CR1L: variants seen among roughly 807,000 people sequenced by gnomAD.
CR1L encodes the protein complement component receptor 1-like protein.
Under a neutral mutation model 62.3 loss-of-function variants are expected in CR1L, and 59 were observed. The observed-to-expected ratio is 0.95, with a 90% confidence interval of 0.77 to 1.18. CR1L has a LOEUF of 1.18. Among genes scored for constraint, CR1L ranks in the 50% most tolerant of loss-of-function variants. The pLI is 0.00. For synonymous variants in CR1L, 279 were observed against 248.7 expected (o/e 1.12, Z -1.15); for missense variants, 700 against 702.8 (o/e 1.00, Z 0.04).
chr1:207,684,297 C>G (rs781518869), intron 4 of CR1L, among the ~76,000 whole-genome samples: 17 of 152,174 alleles, frequency 1.1e-4, no homozygotes, highest in Non-Finnish European at 1.9e-4. Context: ...AATTGATACT[C>G]TTCAAGGTTA....
chr1:207,647,352 T>C lies in CR1L; in HGVS notation c.97+2022T>C, dbSNP rs986479161. Among the ~76,000 whole-genome samples, 4 of 152,224 alleles carry C rather than the reference T, an allele frequency of 2.6e-5. No homozygotes were observed. The East Asian group carries it at 7.7e-4, about 29-fold the overall frequency. ...TTCTCCCCATGACCTGCTGCATAAA[T>C]GGGCTGTTTCTTCTGCAAGCTCAGC... On this transcript the variant is annotated intron_variant, in intron 1 of 11. Coordinates refer to ENST00000508064, the MANE Select transcript of CR1L (RefSeq NM_175710.2).
At chr1:207,656,427 T>A (rs1663311620) in intron 1 of CR1L, among the ~76,000 whole-genome samples, 1 of 152,222 alleles carries the variant, frequency 6.6e-6, no homozygotes, top group Non-Finnish European at 1.5e-5. Flanking sequence ...TTTCTTGTGA[T>A]AACTAGAAGA....
intron 1 of CR1L, among the ~76,000 whole-genome samples, chr1:207,661,733 C>T (rs914501436): frequency 4.6e-5 from 7 of 152,292 alleles, no homozygotes; most frequent in South Asian, 4.1e-4. Context: ...GCAGTTTCTT[C>T]CTAGCCTTGA....
At chr1:207,653,873 G>A (rs1209356482) in intron 1 of CR1L, among the ~76,000 whole-genome samples, 1 of 152,170 alleles carries the variant, frequency 6.6e-6, no homozygotes, top group Non-Finnish European at 1.5e-5. Flanking sequence ...TGGAGGCTGG[G>A]GAATTCAAGG....
intron 1 of CR1L, among the ~76,000 whole-genome samples, chr1:207,650,715 G>A (rs560350391): frequency 6.6e-6 from 1 of 152,098 alleles, no homozygotes; most frequent in East Asian, 1.9e-4. Flanking sequence ...GTGGGTATGC[G>A]TGTACATTAG....
intron 10 of CR1L, among the ~76,000 whole-genome samples, chr1:207,712,685 G>A (rs1017153605): frequency 2.6e-5 from 4 of 152,176 alleles, no homozygotes; most frequent in African/African-American, 9.7e-5. Flanking sequence ...CTGGACCCCT[G>A]AAGCCCCCAG....
intron 1 of CR1L, among the ~76,000 whole-genome samples, chr1:207,673,971 A>T (rs56015793): frequency 1.2e-4 from 18 of 152,358 alleles, no homozygotes; most frequent in African/African-American, 3.6e-4. Context: ...TATACAATTG[A>T]ATATTACCCA....
At chr1:207,721,230 T>A (rs977390090) in intron 11 of CR1L, among the ~76,000 whole-genome samples, 2 of 152,014 alleles carry the variant, frequency 1.3e-5, no homozygotes, top group Non-Finnish European at 2.9e-5. Context: ...TTAGGATACA[T>A]GTGCACATTG....
intron 11 of CR1L, among the ~76,000 whole-genome samples, chr1:207,718,808 C>T (rs192575066): frequency 6.6e-6 from 1 of 151,628 alleles, no homozygotes; most frequent in Non-Finnish European, 1.5e-5. Context: ...CACATGCACA[C>T]GTATGTTTAT....
At chr1:207,713,870 AGGCCTGCATCTCCAAGGCTGACTT>A (rs1270616344) in intron 10 of CR1L, among the ~76,000 whole-genome samples, 40 of 152,268 alleles carry the variant, frequency 2.6e-4, no homozygotes, top group South Asian at 8.3e-4. Context: ...CGCCCCGCTC[AGGCCTGCATCTCCAAGGCTGACTT>A]GGCCTGCATC....
At chr1:207,679,019 T>C (rs1450189768) in intron 3 of CR1L, among the ~76,000 whole-genome samples, 4 of 147,132 alleles carry the variant, frequency 2.7e-5, no homozygotes, top group Non-Finnish European at 6.0e-5. Context: ...TTTTTTGAGA[T>C]GGAGTCTGGC....
In CR1L at chr1:207,701,565, T is replaced by C. The variant is rs1376621204; in HGVS notation, c.1275T>C (p.His425=). The C allele has an allele frequency of 6.2e-7, 1 of 1,613,806 alleles. No individual in the cohort carries two copies. Among genetic ancestry groups the C allele is most frequent in the East Asian group, 2.2e-5 (1 of 44,874 alleles). ...TPPVPVNGMV[H]VITDIHVGSR... ...CAGTTCCAGTGAATGGCATGGTGCA[T>C]GTGATCACAGACATCCATGTTGGAT... The change falls in exon 9 of 12, where the codon CAT becomes CAC. Residue 425 remains histidine (H), a synonymous_variant. Transcript: ENST00000508064.
At chr1:207,686,767 T>C (rs1663918137) in intron 4 of CR1L, among the ~76,000 whole-genome samples, 1 of 152,178 alleles carries the variant, frequency 6.6e-6, no homozygotes, top group African/African-American at 2.4e-5. Flanking sequence ...CCCAAATCCA[T>C]ATGTTGAAAT....
chr1:207,716,923 T>C (rs548608173), intron 10 of CR1L, among the ~76,000 whole-genome samples: 1 of 152,346 alleles, frequency 6.6e-6, no homozygotes, highest in African/African-American at 2.4e-5. Flanking sequence ...TGGCACCATT[T>C]AATCTGTGTA....
intron 1 of CR1L, among the ~76,000 whole-genome samples, chr1:207,658,070 T>C (rs1663345795): frequency 6.6e-6 from 1 of 152,184 alleles, no homozygotes; most frequent in Middle Eastern, 3.2e-3. Context: ...AATTAGAAAG[T>C]GTTTTGAATT....
intron 9 of CR1L, among the ~76,000 whole-genome samples, chr1:207,707,353 C>A (rs1356112702): frequency 6.6e-6 from 1 of 152,194 alleles, no homozygotes; most frequent in Non-Finnish European, 1.5e-5. Context: ...CAAGGCCGAG[C>A]ACAGTGGCTC....
At chr1:207,696,811 G>A (rs556216021) in intron 5 of CR1L, among the ~76,000 whole-genome samples, 12 of 152,318 alleles carry the variant, frequency 7.9e-5, no homozygotes, top group African/African-American at 1.9e-4. Flanking sequence ...GAGAGCCAGC[G>A]CTGCCCTTAC....
chr1:207,667,420 T>C (rs1343918032), intron 1 of CR1L, among the ~76,000 whole-genome samples: 1 of 152,158 alleles, frequency 6.6e-6, no homozygotes, highest in Non-Finnish European at 1.5e-5. Flanking sequence ...CTGAGCTCTG[T>C]TTTCATCATT....
intron 3 of CR1L, among the ~76,000 whole-genome samples, chr1:207,683,014 C>CTTTTTCCTTTCTTTCTTTCTT (rs752505040): frequency 1.6e-5 from 1 of 60,674 alleles, no homozygotes; most frequent in Non-Finnish European, 4.3e-5. Context: ...CTTTCTTTTT[C>CTTTTTCCTTTCTTTCTTTCTT]TTTCTTTCTT....
Sources: allele counts gnomAD v4.1 joint callset (sites outside exome capture counted in the v4.1 genomes callset), GRCh38; gene constraint gnomAD v4.1.1; transcripts MANE v1.5; gene names NCBI Gene and HGNC (gene_info 2026-07-23, HGNC 2026-07-21).